Variants in ATF7 observed in about 807,000 individuals in gnomAD.
ATF7 encodes the protein cyclic AMP-dependent transcription factor ATF-7.
ATF7 carries 10 observed loss-of-function variants against 50.4 expected under a neutral mutation model. That is an observed-to-expected ratio of 0.20 (90% CI 0.12 to 0.34). ATF7 has a LOEUF of 0.34. Ranked by LOEUF, ATF7 falls within the 10% of genes least tolerant of loss-of-function variation. ATF7 has a pLI of 1.00. For missense variants in ATF7, 465 were observed against 613.9 expected, an observed-to-expected ratio of 0.76 and a Z score of 2.56; for synonymous variants, 201 against 226.4, an observed-to-expected ratio of 0.89 and a Z score of 1.01.
In ATF7 at chr12:53,562,258, T is replaced by C. The variant is rs1015583930; in HGVS notation, c.49-9621A>G. On this transcript the variant is annotated intron_variant, in intron 2 of 11. Transcript: ENST00000420353. ...TCCCAAGCACCTAGAACGGTATCTG[T>C]ACACAGTAGGTGCTTAATATTTGTT... Among the ~76,000 whole-genome samples the C allele has an allele frequency of 1.4e-4, 21 of 152,334 alleles. No homozygotes were observed. The East Asian group carries it at 2.1e-3, about 15-fold the overall frequency.
chr12:53,536,279 CTTT>C (rs879890925), intron 5 of ATF7, among the ~76,000 whole-genome samples: 2 of 139,906 alleles, frequency 1.4e-5, no homozygotes, highest in Non-Finnish European at 1.6e-5. Flanking sequence ...TATTAGTTCA[CTTT>C]TTTTTTTTTT....
Position 53,517,132 on chromosome 12 carries a change from A to C in ATF7, c.*5T>G, listed in dbSNP as rs1374745637. ...TGGCTGAGGACCTCTCCACCAGAGG[A>C]GGCATCATCTGCCCGCAGACTGGGA... On this transcript the variant is annotated 3_prime_UTR_variant, in exon 12 of 12. Coordinates refer to ENST00000420353, the MANE Select transcript of ATF7 (RefSeq NM_006856.3). 1 of 1,609,366 alleles carries C rather than the reference A, an allele frequency of 6.2e-7. No homozygotes were observed. Among genetic ancestry groups the C allele is most frequent in the Non-Finnish European group, 8.5e-7 (1 of 1,179,780 alleles).
chr12:53,586,309 T>C (rs1942677434), intron 2 of ATF7, among the ~76,000 whole-genome samples: 1 of 152,144 alleles, frequency 6.6e-6, no homozygotes, highest in Non-Finnish European at 1.5e-5. Context: ...ACAGTCTCCG[T>C]TAGTCCTAAA....
intron 11 of ATF7, among the ~76,000 whole-genome samples, chr12:53,521,830 A>G (rs1004638046): frequency 6.6e-6 from 1 of 152,208 alleles, no homozygotes; most frequent in South Asian, 2.1e-4. Context: ...CATTCCATCA[A>G]TATCTGCTTA....
chr12:53,534,488 C>T lies in ATF7; in HGVS notation c.560+14G>A. 1 of 1,613,728 alleles carries T rather than the reference C, an allele frequency of 6.2e-7. No individual in the cohort carries two copies. Among genetic ancestry groups the T allele is most frequent in the Non-Finnish European group, 8.5e-7 (1 of 1,179,696 alleles). ...ATGCAGCCTTCACTACTTCTCCCTG[C>T]TCTCTGTACTTACCCCATTTGCCTG... On this transcript the variant is annotated intron_variant, in intron 6 of 11. Coordinates refer to ENST00000420353, the MANE Select transcript of ATF7 (RefSeq NM_006856.3).
intron 2 of ATF7, among the ~76,000 whole-genome samples, chr12:53,580,361 A>G (rs1265620831): frequency 6.6e-6 from 1 of 151,782 alleles, no homozygotes; most frequent in Non-Finnish European, 1.5e-5. Context: ...AAATAAACAT[A>G]TAGATTAAAA....
At chr12:53,588,642 C>T (rs930882947) in intron 2 of ATF7, among the ~76,000 whole-genome samples, 5 of 152,152 alleles carry the variant, frequency 3.3e-5, no homozygotes, top group Admixed American at 6.5e-5. Flanking sequence ...CAGGAAGTAA[C>T]CTAGCCTAGA....
At chr12:53,612,138 GC>G (rs1179073822) in intron 1 of ATF7, among the ~76,000 whole-genome samples, 2 of 151,252 alleles carry the variant, frequency 1.3e-5, no homozygotes, top group African/African-American at 2.4e-5. Context: ...ACCACACACA[GC>G]TAATTTTTGT....
chr12:53,583,507 T>C (rs1296227207), intron 2 of ATF7, among the ~76,000 whole-genome samples: 1 of 151,870 alleles, frequency 6.6e-6, no homozygotes, highest in Non-Finnish European at 1.5e-5. Flanking sequence ...AATAATACTA[T>C]AAATAAAGTA....
intron 1 of ATF7, among the ~76,000 whole-genome samples, chr12:53,607,363 G>A (rs1357809618): frequency 6.6e-6 from 1 of 152,074 alleles, no homozygotes; most frequent in Non-Finnish European, 1.5e-5. Flanking sequence ...GATCTTTCTG[G>A]AAGTCAATTT....
At chr12:53,552,236 C>T (rs529876642) in intron 3 of ATF7, among the ~76,000 whole-genome samples, 36 of 152,210 alleles carry the variant, frequency 2.4e-4, no homozygotes, top group African/African-American at 8.7e-4. Context: ...GATCTTTTGT[C>T]TGTAAATCTT....
intron 2 of ATF7, among the ~76,000 whole-genome samples, chr12:53,588,667 C>T (rs1049378950): frequency 6.6e-5 from 10 of 152,192 alleles, no homozygotes; most frequent in African/African-American, 2.4e-4. Flanking sequence ...ACAAAGATGA[C>T]ACCCACAATG....
At chr12:53,532,029 ATTAAGAG>A in intron 8 of ATF7, 133 bp from the exon 9 acceptor site, 1 of 1,039,226 alleles carries the variant, frequency 9.6e-7, no homozygotes. Flanking sequence ...TAACAGAGGA[ATTAAGAG>A]AAAATGACAG....
chr12:53,557,093 G>A (rs183628120), intron 2 of ATF7, among the ~76,000 whole-genome samples: 9 of 152,144 alleles, frequency 5.9e-5, no homozygotes, highest in Admixed American at 1.3e-4. Context: ...GATAAAAATC[G>A]TGACCTAAGT....
At chr12:53,541,800 C>A (rs1367046024) in intron 4 of ATF7, among the ~76,000 whole-genome samples, 3 of 152,106 alleles carry the variant, frequency 2.0e-5, no homozygotes, top group African/African-American at 7.2e-5. Flanking sequence ...CACTAGATCT[C>A]TTTTCCAACC....
Position 53,524,919 on chromosome 12 carries a change from G to A in ATF7, c.928-158C>T. The A allele has an allele frequency of 1.5e-6, 1 of 682,502 alleles. No homozygotes were observed. Among genetic ancestry groups the A allele is most frequent in the Non-Finnish European group, 2.3e-6 (1 of 432,160 alleles). 42.3% of individuals were successfully genotyped at this position (682,502 alleles called of 1,614,324 possible). On this transcript the variant is annotated intron_variant, in intron 9 of 11. Coordinates refer to ENST00000420353, the MANE Select transcript of ATF7 (RefSeq NM_006856.3). This position sits in a 1 kb window ranked among gnomAD's most constrained non-coding sequence, Gnocchi z 4.6. Reference sequence around the variant, plus strand: ...TACTATGTCCCCAAGCTTCCCTTTTGTAGGAGTCCTCAATTTTGCCTCCTA... The same window carrying A: ...TACTATGTCCCCAAGCTTCCCTTTTATAGGAGTCCTCAATTTTGCCTCCTA...
intron 2 of ATF7, among the ~76,000 whole-genome samples, chr12:53,593,931 G>A (rs927455214): frequency 1.3e-5 from 2 of 152,200 alleles, no homozygotes; most frequent in African/African-American, 4.8e-5. Context: ...GACAGAATGC[G>A]ACTGCTGAGC....
At chr12:53,587,519 T>C (rs1357196721) in intron 2 of ATF7, among the ~76,000 whole-genome samples, 2 of 150,846 alleles carry the variant, frequency 1.3e-5, no homozygotes, top group African/African-American at 4.9e-5. Context: ...ACCAAAAAAA[T>C]ACTAAAACTA....
chr12:53,582,672 G>A (rs918458100), intron 2 of ATF7, among the ~76,000 whole-genome samples: 37 of 152,184 alleles, frequency 2.4e-4, no homozygotes, highest in Non-Finnish European at 2.6e-4. Context: ...TCCGCCTCCT[G>A]GGTTGACGCC....
Sources: gnomAD v4.1 joint callset for allele counts (sites outside exome capture counted in the v4.1 genomes callset) on GRCh38, gnomAD v4.1.1 for gene constraint, Gnocchi (gnomAD v3.1) non-coding constraint, MANE v1.5 for transcripts, NCBI Gene and HGNC (gene_info 2026-07-23, HGNC 2026-07-21) for gene names.